Variants in APOLD1 observed in about 807,000 individuals in gnomAD.
The protein encoded by APOLD1 is apolipoprotein L domain containing 1.
A neutral mutation model predicts 15.3 loss-of-function variants in APOLD1; 22 were observed. The ratio of observed to expected loss-of-function variants is 1.44; its 90% CI spans 1.03 to 2.05. The LOEUF (loss-of-function observed/expected upper bound fraction) is 2.05. Among genes scored for constraint, APOLD1 ranks in the 30% most tolerant of loss-of-function variants. The pLI is 0.00. For synonymous variants in APOLD1, 190 were observed against 167.4 expected, an observed-to-expected ratio of 1.13 and a Z score of -1.04; for missense variants, 394 against 353.5, an observed-to-expected ratio of 1.11 and a Z score of -0.92.
rs1421148581 is a variant in APOLD1 at position 12,791,094 on chromosome 12, T to G, written c.*3442T>G. On this transcript the variant is annotated 3_prime_UTR_variant, in exon 2 of 2. Coordinates refer to ENST00000356591, the MANE Select transcript of APOLD1 (RefSeq NM_030817.3). ...AAGGAGATTCACTGGGTTCTGCATT[T>G]TCAGGATTCAATAGAACTGCTCCAT... The G allele has an allele frequency of 5.9e-5, 9 of 152,216 alleles. No individual in the cohort carries two copies. Among genetic ancestry groups the G allele is most frequent in the African/African-American group, 2.2e-4 (9 of 41,446 alleles). The allele number at this position is 152,216 out of a possible 1,614,324, so 9.4% of individuals were successfully genotyped here. A position where few individuals can be genotyped will look rare whatever the true frequency, so the allele number is the denominator to read the frequency against.
intron 1 of APOLD1, among the ~76,000 whole-genome samples, chr12:12,756,742 C>T (rs1946860030): frequency 6.6e-6 from 1 of 152,128 alleles, no homozygotes; most frequent in Non-Finnish European, 1.5e-5. Flanking sequence ...AGTCTAGGTA[C>T]CTAATATAAG....
chr12:12,752,279 G>A (rs753670943), intron 1 of APOLD1, among the ~76,000 whole-genome samples: 1 of 152,150 alleles, frequency 6.6e-6, no homozygotes, highest in African/African-American at 2.4e-5. Flanking sequence ...TTGGGAGCCA[G>A]TCAAGCCCAA....
intron 1 of APOLD1, among the ~76,000 whole-genome samples, chr12:12,777,997 C>T (rs371608775): frequency 6.8e-6 from 1 of 147,702 alleles, no homozygotes; most frequent in Non-Finnish European, 1.5e-5. Context: ...AGTCTCGGCT[C>T]ACTGCAACCT....
intron 1 of APOLD1, among the ~76,000 whole-genome samples, chr12:12,775,413 T>C (rs1947023201): frequency 6.6e-6 from 1 of 152,092 alleles, no homozygotes; most frequent in African/African-American, 2.4e-5. Context: ...GAGCGTACAA[T>C]ACCAATAAGG....
intron 1 of APOLD1, among the ~76,000 whole-genome samples, chr12:12,752,660 C>G (rs1946820946): frequency 6.6e-6 from 1 of 151,902 alleles, no homozygotes; most frequent in Non-Finnish European, 1.5e-5. Flanking sequence ...TTCCAGGAAC[C>G]AGAAACTATG....
intron 1 of APOLD1, among the ~76,000 whole-genome samples, chr12:12,730,173 C>T (rs1946627569): frequency 6.6e-6 from 1 of 151,828 alleles, no homozygotes; most frequent in Admixed American, 6.6e-5. Flanking sequence ...CTTAGCCTCC[C>T]AAAGTGCTGA....
chr12:12,763,233 A>C (rs1434229314), intron 1 of APOLD1, among the ~76,000 whole-genome samples: 1 of 152,234 alleles, frequency 6.6e-6, no homozygotes, highest in East Asian at 1.9e-4. Flanking sequence ...CAAGCTAATT[A>C]ACATATTCAT....
intron 1 of APOLD1, among the ~76,000 whole-genome samples, chr12:12,762,900 C>T (rs983749992): frequency 2.0e-5 from 3 of 152,024 alleles, no homozygotes; most frequent in African/African-American, 7.3e-5. Context: ...AACCCCAGCA[C>T]TTTGGGAGGC....
chr12:12,741,342 G>A (rs1946728386), intron 1 of APOLD1, among the ~76,000 whole-genome samples: 1 of 152,132 alleles, frequency 6.6e-6, no homozygotes, highest in Admixed American at 6.5e-5. Flanking sequence ...GAGTAGCTGA[G>A]GCTACAGGCA....
intron 1 of APOLD1, among the ~76,000 whole-genome samples, chr12:12,727,694 C>G (rs1412420309): frequency 6.6e-6 from 1 of 151,644 alleles, no homozygotes; most frequent in East Asian, 1.9e-4. Context: ...CCTCCAACTC[C>G]TGGGCTCATG....
chr12:12,740,789 C>CT (rs35569459), intron 1 of APOLD1, among the ~76,000 whole-genome samples: 14,289 of 152,142 alleles, frequency 0.094, 794 homozygotes, highest in Non-Finnish European at 0.12. Flanking sequence ...TATTTGGAAT[C>CT]TTTTTTTATA....
At position 12,787,139 on chromosome 12, in the gene APOLD1, GGTC is replaced by G. The variant is rs1947136230; in HGVS notation, c.235_237del (p.Val79del). The G allele has an allele frequency of 2.0e-6, 3 of 1,490,440 alleles. No homozygotes were observed. The East Asian group carries it at 7.3e-5, about 36-fold the overall frequency. The allele number at this position is 1,490,440 out of a possible 1,614,324, so 92.3% of individuals were successfully genotyped here. A position where few individuals can be genotyped will look rare whatever the true frequency, so the allele number is the denominator to read the frequency against. ...CCATCGTGGGGCTCTCGCTCAGCCCGGTCACCCTGGGGACCTCGCTGCTGGTGT... is the reference window on the plus strand; with the variant it reads ...CCATCGTGGGGCTCTCGCTCAGCCCGACCCTGGGGACCTCGCTGCTGGTGT... On this transcript the variant is annotated inframe_deletion, in exon 2 of 2. Transcript: ENST00000356591. This position sits in a 1 kb window ranked among gnomAD's most constrained non-coding sequence, Gnocchi z 4.9.
At chr12:12,736,922 C>T (rs1054338139) in intron 1 of APOLD1, among the ~76,000 whole-genome samples, 6 of 152,214 alleles carry the variant, frequency 3.9e-5, no homozygotes, top group Non-Finnish European at 7.3e-5. Flanking sequence ...TGCTCCACCC[C>T]GCTACCAGTC....
chr12:12,728,385 G>T (rs1275471519), intron 1 of APOLD1, among the ~76,000 whole-genome samples: 2 of 152,086 alleles, frequency 1.3e-5, no homozygotes, highest in African/African-American at 4.8e-5. Context: ...AAGACTGGAG[G>T]CCGGACACAT....
In APOLD1 at chr12:12,729,834, T is replaced by G. The variant is rs115035461; in HGVS notation, c.96+3738T>G. 4.2e-3 allele frequency among the ~76,000 whole-genome samples: 645 copies of G among 152,042 alleles called. 2 individuals are homozygous for G. Among genetic ancestry groups the G allele is most frequent in the African/African-American group, 0.015 (608 of 41,478 alleles). On this transcript the variant is annotated intron_variant, in intron 1 of 1. Transcript: ENST00000326765. The stretch of plus-strand genomic sequence containing the variant: ...TTTAAATGGTAATTTGTATCTTACT[T>G]GTATTTAACCACAATAAAAAAGAAT...
chr12:12,759,867 A>G (rs980372749), intron 1 of APOLD1, among the ~76,000 whole-genome samples: 1 of 152,184 alleles, frequency 6.6e-6, no homozygotes, highest in Non-Finnish European at 1.5e-5. Context: ...ACTTCTTACC[A>G]TTGGCAAATA....
intron 1 of APOLD1, among the ~76,000 whole-genome samples, chr12:12,743,206 A>T (rs188132125): frequency 3.0e-3 from 452 of 152,326 alleles, no homozygotes; most frequent in Non-Finnish European, 4.6e-3. Flanking sequence ...GAGGGATCTC[A>T]TTAAAAGGTC....
chr12:12,786,738 A>C (rs1192460844), intron 1 of APOLD1, 171 bp from the exon 2 acceptor site: 1 of 985,282 alleles, frequency 1.0e-6, no homozygotes, highest in African/African-American at 1.7e-5. Context: ...ATTCCAGAAC[A>C]GGTCTTTGAG....
chr12:12,737,474 G>A (rs180737727), intron 1 of APOLD1, among the ~76,000 whole-genome samples: 143 of 152,214 alleles, frequency 9.4e-4, no homozygotes, highest in African/African-American at 3.1e-3. Context: ...TCAATCTTTA[G>A]GAAAAGTATT....
Sources: allele counts gnomAD v4.1 joint callset (sites outside exome capture counted in the v4.1 genomes callset), GRCh38; gene constraint gnomAD v4.1.1; non-coding constraint Gnocchi (gnomAD v3.1); transcripts MANE v1.5; gene names NCBI Gene and HGNC (gene_info 2026-07-23, HGNC 2026-07-21).